Variants in TRARG1 observed in about 807,000 individuals in gnomAD.
TRARG1 encodes the protein trafficking regulator of GLUT4 1.
TRARG1 carries 16 observed loss-of-function variants against 13.3 expected under a neutral mutation model. The observed-to-expected ratio is 1.20, with a 90% CI of 0.81 to 1.83. The LOEUF is 1.83. Among genes scored for constraint, TRARG1 ranks in the 40% most tolerant of loss-of-function variants. TRARG1 has a pLI of 0.00. For missense variants in TRARG1, 250 were observed against 237.4 expected, an observed-to-expected ratio of 1.05 and a Z score of -0.35; for synonymous variants, 113 against 106.2, an observed-to-expected ratio of 1.06 and a Z score of -0.39.
chr17:1,297,454 C>T lies in TRARG1; in HGVS notation c.521-797C>T, dbSNP rs75155881. ...ACTGTGTGAATTGGAGCGTGTGTGA[C>T]AGTTTCCTCCATGAGTGAGTCTGAT... On this transcript the variant is annotated intron_variant, in intron 2 of 2. Transcript: ENST00000333813. 7.6e-3 allele frequency among the ~76,000 whole-genome samples: 1,158 copies of T among 152,226 alleles called. 18 individuals carry two copies. Among genetic ancestry groups the T allele is most frequent in the African/African-American group, 0.026 (1,079 of 41,534 alleles).
chr17:1,280,502 G>T, intron 1 of TRARG1, 114 bp downstream of exon 1: 8 of 1,196,518 alleles, frequency 6.7e-6, no homozygotes, highest in Non-Finnish European at 9.3e-6. Flanking sequence ...AGCTGGGAGT[G>T]GGGGGCTTGG....
chr17:1,282,189 T>C (rs1374435619), intron 1 of TRARG1, among the ~76,000 whole-genome samples: 3 of 143,042 alleles, frequency 2.1e-5, no homozygotes, highest in Admixed American at 6.9e-5. Flanking sequence ...TGCGTATATG[T>C]ACGTGTACAC....
chr17:1,281,861 C>T (rs1325415601), intron 1 of TRARG1, among the ~76,000 whole-genome samples: 2 of 152,034 alleles, frequency 1.3e-5, no homozygotes, highest in East Asian at 1.9e-4. Flanking sequence ...CTGCCTCTGA[C>T]AAACAGAGCC....
At position 1,300,826 on chromosome 17, in the gene TRARG1, C is replaced by G. The variant is rs574270356; in HGVS notation, c.*2562C>G. 6 of 152,426 alleles carry G rather than the reference C, an allele frequency of 3.9e-5. No individual in the cohort carries two copies. Among genetic ancestry groups the G allele is most frequent in the African/African-American group, 1.4e-4 (6 of 41,594 alleles). 9.4% of individuals were successfully genotyped at this position (152,426 alleles called of 1,614,324 possible). A position where few individuals can be genotyped will look rare whatever the true frequency, so the allele number is the denominator to read the frequency against. On this transcript the variant is annotated 3_prime_UTR_variant, in exon 3 of 3. Transcript: ENST00000333813. Reference sequence around the variant, plus strand: ...GGCTCCATCTTGGTTCTAGCCGCCACCTGCATGAACACAGTGGCCCGGCTT... The same window carrying G: ...GGCTCCATCTTGGTTCTAGCCGCCAGCTGCATGAACACAGTGGCCCGGCTT...
Position 1,279,900 on chromosome 17 carries a change from G to T in TRARG1, c.-102G>T, listed in dbSNP as rs1339128729. ...TCTCCTGAGGGACGCCCCTGCCCCC[G>T]ACCTGGAGGCCCTCAGTCTGGGCTG... On this transcript the variant is annotated 5_prime_UTR_variant, in exon 1 of 3. Transcript: ENST00000333813. The T allele has an allele frequency of 1.4e-6, 2 of 1,409,010 alleles. No individual in the cohort carries two copies. Among genetic ancestry groups the T allele is most frequent in the South Asian group, 1.5e-5 (1 of 68,144 alleles). The allele number at this position is 1,409,010 out of a possible 1,614,324, so 87.3% of individuals were successfully genotyped here. A position where few individuals can be genotyped will look rare whatever the true frequency, so the allele number is the denominator to read the frequency against.
intron 1 of TRARG1, among the ~76,000 whole-genome samples, chr17:1,282,075 T>TAC (rs1305006950): frequency 2.3e-4 from 32 of 140,554 alleles, no homozygotes; most frequent in African/African-American, 7.5e-4. Flanking sequence ...TACACATATA[T>TAC]ACATATATGT....
intron 1 of TRARG1, among the ~76,000 whole-genome samples, chr17:1,293,697 G>A (rs1229464152): frequency 1.3e-5 from 2 of 148,766 alleles, no homozygotes; most frequent in African/African-American, 5.0e-5. Context: ...GATGTTGTGG[G>A]TTGAGTTTGA....
chr17:1,295,468 G>A (rs1315008868), intron 1 of TRARG1, 23 bp from the exon 2 acceptor site: 2 of 1,571,490 alleles, frequency 1.3e-6, no homozygotes, highest in Admixed American at 1.8e-5. Context: ...GGTTCCCGGG[G>A]TCTCTCTGTG....
chr17:1,295,495 G>C lies in TRARG1; in HGVS notation c.392G>C (p.Arg131Pro). ...CTCTCTGTGCTCTCTCCGCAGTCTC[G>C]AAGCAGCATGCAACAGGGCAACGTG... ...LIPLIISIMS[R>P]SSMQQGNVDG... is the part of the protein sequence containing the mutation. Residue 131 changes from arginine (R) to proline (P), a missense_variant, in exon 2 of 3, where the codon CGA becomes CCA. By Grantham distance (103) the Arg-to-Pro change is moderately radical. Transcript: ENST00000333813. 2 of 1,606,342 alleles carry C rather than the reference G, an allele frequency of 1.2e-6. 1 individual carries two copies. The highest frequency in any genetic ancestry group is 3.3e-4 in the Middle Eastern group (2 of 6,030).
chr17:1,286,897 G>T (rs1328356007), intron 1 of TRARG1, among the ~76,000 whole-genome samples: 2 of 151,812 alleles, frequency 1.3e-5, no homozygotes, highest in East Asian at 3.9e-4. Flanking sequence ...GGTGTGATTT[G>T]CTCCAGCTGT....
intron 1 of TRARG1, among the ~76,000 whole-genome samples, chr17:1,294,493 A>G: frequency 1.9e-5 from 1 of 53,946 alleles, no homozygotes. Context: ...TTTTTGAGGC[A>G]GTCTCACTGT....
In TRARG1 at chr17:1,300,144, G is replaced by C. The variant is rs991060012; in HGVS notation, c.*1880G>C. The C allele has an allele frequency of 1.3e-5, 2 of 152,338 alleles. No individual in the cohort carries two copies. The highest frequency in any genetic ancestry group is 4.8e-5 in the African/African-American group (2 of 41,468). 9.4% of individuals were successfully genotyped at this position (152,338 alleles called of 1,614,324 possible). A position where few individuals can be genotyped will look rare whatever the true frequency, so the allele number is the denominator to read the frequency against. On this transcript the variant is annotated 3_prime_UTR_variant, in exon 3 of 3. Coordinates refer to ENST00000333813, the MANE Select transcript of TRARG1 (RefSeq NM_172367.3). ...AAACAGATGCTCCTGTTTGCTGGGG[G>C]AGGGTGTGAGCACGGAGTATTTCTG...
At chr17:1,293,253 C>T (rs113337923) in intron 1 of TRARG1, among the ~76,000 whole-genome samples, 2,444 of 145,836 alleles carry the variant, frequency 0.017, 98 homozygotes, top group African/African-American at 0.06. Flanking sequence ...CACTGCACTC[C>T]AGCCTGGGCG....
chr17:1,282,235 CGTAT>C (rs2071984595), intron 1 of TRARG1, among the ~76,000 whole-genome samples: 1 of 133,202 alleles, frequency 7.5e-6, no homozygotes, highest in African/African-American at 3.1e-5. Flanking sequence ...CGTATATGTA[CGTAT>C]ATGCACGTAT....
Position 1,295,517 on chromosome 17 carries a change from C to T in TRARG1, c.414C>T (p.Asn138=), listed in dbSNP as rs529434651. The change falls in exon 2 of 3, where the codon AAC becomes AAT. Residue 138 remains asparagine (N), a synonymous_variant. Transcript: ENST00000333813. ...CTCGAAGCAGCATGCAACAGGGCAACGTGGACGGCGCCCGGAGGCTGGGCC... is the reference window on the plus strand; with the variant it reads ...CTCGAAGCAGCATGCAACAGGGCAATGTGGACGGCGCCCGGAGGCTGGGCC... The part of the protein sequence containing the change: ...IMSRSSMQQG[N]VDGARRLGRL... The T allele has an allele frequency of 3.1e-6, 5 of 1,611,128 alleles. No individual in the cohort carries two copies. The highest frequency in any genetic ancestry group is 1.3e-5 in the African/African-American group (1 of 74,978).
chr17:1,290,548 G>A (rs2072061995), intron 1 of TRARG1, among the ~76,000 whole-genome samples: 1 of 151,966 alleles, frequency 6.6e-6, no homozygotes, highest in African/African-American at 2.4e-5. Context: ...TGCCCACCTT[G>A]GCCTCCCAAA....
chr17:1,290,802 C>T (rs2072063448), intron 1 of TRARG1, among the ~76,000 whole-genome samples: 1 of 152,102 alleles, frequency 6.6e-6, no homozygotes, highest in African/African-American at 2.4e-5. Flanking sequence ...ATAATCCCCT[C>T]GTGTCCTGGG....
Position 1,279,869 on chromosome 17 carries a change from C to G in TRARG1, c.-133C>G. On this transcript the variant is annotated 5_prime_UTR_variant, in exon 1 of 3. Transcript: ENST00000333813. Reference sequence around the variant, plus strand: ...CCAACCCTTCCAGCACCCAGCCGGCCCTCCGTCTCCTGAGGGACGCCCCTG... The same window carrying G: ...CCAACCCTTCCAGCACCCAGCCGGCGCTCCGTCTCCTGAGGGACGCCCCTG... The G allele has an allele frequency of 9.4e-7, 1 of 1,063,018 alleles. No individual in the cohort carries two copies. The highest frequency in any genetic ancestry group is 1.3e-6 in the Non-Finnish European group (1 of 760,232). 65.8% of individuals were successfully genotyped at this position (1,063,018 alleles called of 1,614,324 possible). A position where few individuals can be genotyped will look rare whatever the true frequency, so the allele number is the denominator to read the frequency against.
chr17:1,291,467 G>A (rs374862554), intron 1 of TRARG1, among the ~76,000 whole-genome samples: 66 of 152,304 alleles, frequency 4.3e-4, no homozygotes, highest in East Asian at 1.3e-3. Context: ...CCTTTCTGCC[G>A]CCATGTGGTG....
Sources: gnomAD v4.1 joint callset for allele counts (sites outside exome capture counted in the v4.1 genomes callset) on GRCh38, gnomAD v4.1.1 for gene constraint, MANE v1.5 for transcripts, NCBI Gene and HGNC (gene_info 2026-07-23, HGNC 2026-07-21) for gene names.